Variants in SLC6A15 observed in about 807,000 individuals in gnomAD.
The protein encoded by SLC6A15 is solute carrier family 6 member 15.
SLC6A15 carries 33 observed loss-of-function variants against 68.5 expected under a neutral mutation model. That is an observed-to-expected ratio of 0.48 (90% CI 0.37 to 0.64). The LOEUF is 0.64. SLC6A15 is among the 30% of genes least tolerant of loss of function. The probability of loss-of-function intolerance (pLI) is 0.00; values close to 1 mark genes in which losing one functional copy is unlikely to be tolerated. For missense variants in SLC6A15, 747 were observed against 874.3 expected, an observed-to-expected ratio of 0.85 and a Z score of 1.84; for synonymous variants, 347 against 301.0, an observed-to-expected ratio of 1.15 and a Z score of -1.58.
chr12:84,867,020 G>A lies in SLC6A15; in HGVS notation c.1655+14C>T, dbSNP rs559378742. The stretch of plus-strand genomic sequence containing the variant: ...AGAGATTAAAAGTGAATACATAAAA[G>A]CAAATATACTTACTTATCTATGCCA... On this transcript the variant is annotated intron_variant, in intron 10 of 11. Coordinates refer to ENST00000266682, the MANE Select transcript of SLC6A15 (RefSeq NM_182767.6). 4 of 1,554,790 alleles carry A rather than the reference G, an allele frequency of 2.6e-6. No individual in the cohort carries two copies. The South Asian group carries it at 4.9e-5, about 19-fold the overall frequency.
At chr12:84,871,623 T>A (rs544623134) in intron 8 of SLC6A15, among the ~76,000 whole-genome samples, 16 of 152,268 alleles carry the variant, frequency 1.1e-4, no homozygotes, top group African/African-American at 3.8e-4. Flanking sequence ...AATTAAATAT[T>A]TCCTTAAGGA....
chr12:84,882,330 T>C, intron 5 of SLC6A15: 6 of 985,202 alleles, frequency 6.1e-6, no homozygotes, highest in Non-Finnish European at 7.2e-6. Flanking sequence ...ACATACACAA[T>C]TGAACAATTC....
chr12:84,894,398 G>A (rs944812487), intron 1 of SLC6A15, among the ~76,000 whole-genome samples: 1 of 152,078 alleles, frequency 6.6e-6, no homozygotes, highest in Non-Finnish European at 1.5e-5. Context: ...CTTATTAATT[G>A]TGTAAATGCT....
Position 84,891,986 on chromosome 12 carries a change from T to C in SLC6A15, c.135A>G (p.Glu45=). ...KTSELIVDGQ[E]EKDTDVEEGS... ...CTTCTTCAACATCTGTATCTTTCTC[T>C]TCCTGGCCATCAACAATTAGTTCAC... Residue 45 remains glutamate (E), a synonymous_variant, in exon 2 of 12, where the codon GAA becomes GAG. Coordinates refer to ENST00000266682, the MANE Select transcript of SLC6A15 (RefSeq NM_182767.6). The C allele has an allele frequency of 6.2e-7, 1 of 1,614,064 alleles. No individual in the cohort carries two copies.
chr12:84,906,148 T>C (rs769243220), intron 1 of SLC6A15, among the ~76,000 whole-genome samples: 13 of 152,186 alleles, frequency 8.5e-5, no homozygotes, highest in African/African-American at 2.2e-4. Context: ...TTCCATATGT[T>C]ACCAATAAAC....
intron 5 of SLC6A15, among the ~76,000 whole-genome samples, chr12:84,877,926 T>A (rs1392946777): frequency 6.6e-6 from 1 of 152,178 alleles, no homozygotes; most frequent in East Asian, 1.9e-4. Flanking sequence ...CCTAACACAG[T>A]TGCTGACATA....
intron 5 of SLC6A15, 158 bp downstream of exon 5, chr12:84,883,701 T>C: frequency 6.4e-7 from 1 of 1,560,088 alleles, no homozygotes; most frequent in South Asian, 1.2e-5. Flanking sequence ...TTTAAAAATG[T>C]AAGCACACTT....
chr12:84,911,875 C>G (rs1873483013), intron 1 of SLC6A15: 1 of 152,278 alleles, frequency 6.6e-6, no homozygotes, highest in African/African-American at 2.4e-5. Context: ...CGTGATTTCT[C>G]CAGCAGCCAC....
chr12:84,906,777 T>C (rs1449229687), intron 1 of SLC6A15, among the ~76,000 whole-genome samples: 2 of 152,214 alleles, frequency 1.3e-5, no homozygotes, highest in East Asian at 3.9e-4. Context: ...TATACAAAAA[T>C]TAATTCAAAA....
At chr12:84,893,057 G>T (rs1222846647) in intron 1 of SLC6A15, among the ~76,000 whole-genome samples, 1 of 152,180 alleles carries the variant, frequency 6.6e-6, no homozygotes, top group African/African-American at 2.4e-5. Context: ...CTCCCAAAGT[G>T]CTGGGATTAT....
chr12:84,862,408 T>C (rs903407985), intron 11 of SLC6A15, among the ~76,000 whole-genome samples: 3 of 152,190 alleles, frequency 2.0e-5, no homozygotes, highest in Non-Finnish European at 2.9e-5. Context: ...CAGGGTAGTT[T>C]GTTACTAAGC....
intron 1 of SLC6A15, among the ~76,000 whole-genome samples, chr12:84,911,490 G>A (rs1055477222): frequency 3.3e-5 from 5 of 152,198 alleles, no homozygotes; most frequent in African/African-American, 4.8e-5. Flanking sequence ...GAGGAGGATG[G>A]AAAGGGAAAG....
At chr12:84,881,916 G>C in intron 5 of SLC6A15, 1 of 985,300 alleles carries the variant, frequency 1.0e-6, no homozygotes, top group Non-Finnish European at 1.2e-6. Flanking sequence ...CTCCCCATCA[G>C]TGCCTGTTAA....
chr12:84,861,276 T>C lies in SLC6A15; in HGVS notation c.*356A>G, dbSNP rs2120518673. On this transcript the variant is annotated 3_prime_UTR_variant, in exon 12 of 12. Coordinates refer to ENST00000266682, the MANE Select transcript of SLC6A15 (RefSeq NM_182767.6). ...AGGCAAACTTATAAATTTTAATGTA[T>C]ACCATTTTTAATTGTCAACACTACT... The C allele has an allele frequency of 5.9e-6, 1 of 170,850 alleles. No individual in the cohort carries two copies. The highest frequency in any genetic ancestry group is 1.3e-5 in the Non-Finnish European group (1 of 79,732). The allele number at this position is 170,850 out of a possible 1,614,324, so 10.6% of individuals were successfully genotyped here.
chr12:84,879,481 A>G (rs1378151160), intron 5 of SLC6A15, among the ~76,000 whole-genome samples: 4 of 151,470 alleles, frequency 2.6e-5, no homozygotes. Context: ...ACCTGCCACC[A>G]TGCCCGGACA....
intron 5 of SLC6A15, among the ~76,000 whole-genome samples, chr12:84,878,533 A>G (rs1871665221): frequency 6.6e-6 from 1 of 152,140 alleles, no homozygotes; most frequent in South Asian, 2.1e-4. Flanking sequence ...TAAATAATAT[A>G]ATTGACTTCC....
chr12:84,875,219 T>C (rs1871465554), intron 6 of SLC6A15, among the ~76,000 whole-genome samples: 1 of 151,832 alleles, frequency 6.6e-6, no homozygotes, highest in Non-Finnish European at 1.5e-5. Context: ...TACATATAAG[T>C]ATTTTTGGTC....
chr12:84,867,077 T>C lies in SLC6A15; in HGVS notation c.1612A>G (p.Ile538Val), dbSNP rs1436276355. Reference sequence around the variant, plus strand: ...AAGCATACAGCAATATTCTCCAAAATGACTACAATTAGCAGAGGCAGTGTA... The same window carrying C: ...AAGCATACAGCAATATTCTCCAAAACGACTACAATTAGCAGAGGCAGTGTA... ...SATLPLLIVV[I>V]LENIAVCFVY... is the part of the protein sequence containing the mutation. The change falls in exon 10 of 12, where the codon ATT becomes GTT. Residue 538 changes from isoleucine (I) to valine (V), a missense_variant. Physicochemically the swap from Ile to Val is conservative, Grantham distance 29. Coordinates refer to ENST00000266682, the MANE Select transcript of SLC6A15 (RefSeq NM_182767.6). The C allele has an allele frequency of 4.3e-6, 7 of 1,610,798 alleles. No homozygotes were observed. The highest frequency in any genetic ancestry group is 5.1e-6 in the Non-Finnish European group (6 of 1,178,504).
chr12:84,871,893 C>G (rs1479038373), intron 8 of SLC6A15, among the ~76,000 whole-genome samples: 1 of 152,090 alleles, frequency 6.6e-6, no homozygotes, highest in Non-Finnish European at 1.5e-5. Flanking sequence ...TGGCTGAGGC[C>G]TGTAATCACA....
Sources: allele counts gnomAD v4.1 joint callset (sites outside exome capture counted in the v4.1 genomes callset), GRCh38; gene constraint gnomAD v4.1.1; transcripts MANE v1.5; gene names NCBI Gene and HGNC (gene_info 2026-07-23, HGNC 2026-07-21).